Variants in CADM3 observed in about 807,000 individuals in gnomAD.
The protein encoded by CADM3 is TSLC1-like 1.
In CADM3, 11 loss-of-function variants were observed where a neutral mutation model predicts 44.9. The observed-to-expected ratio is 0.25, with a 90% CI of 0.15 to 0.41. CADM3 has a LOEUF of 0.41. Among genes scored for constraint, CADM3 ranks in the 10% least tolerant of loss-of-function variants. The pLI is 1.00. For missense variants in CADM3, 426 were observed against 512.0 expected (o/e 0.83, Z 1.62); for synonymous variants, 207 against 205.2 (o/e 1.01, Z -0.08).
At chr1:159,190,437 G>C (rs924776116) in intron 1 of CADM3, among the ~76,000 whole-genome samples, 1 of 152,236 alleles carries the variant, frequency 6.6e-6, no homozygotes, top group African/African-American at 2.4e-5. Flanking sequence ...TTCTAACTCA[G>C]ATTAGTACAG....
At chr1:159,194,990 A>G (rs1206074378) in intron 5 of CADM3, 1 of 152,216 alleles carries the variant, frequency 6.6e-6, no homozygotes, top group East Asian at 1.9e-4. Context: ...TAACTTACCT[A>G]AAAGTTGGGC....
At chr1:159,192,527 C>T in intron 2 of CADM3, 51 bp from the exon 3 acceptor site, 2 of 1,612,378 alleles carry the variant, frequency 1.2e-6, no homozygotes, top group Non-Finnish European at 1.7e-6. Context: ...GGAAGGTAAA[C>T]ATGAAAGGTG....
At chr1:159,193,764 C>T in intron 4 of CADM3, 106 bp from the exon 5 acceptor site, 1 of 1,489,406 alleles carries the variant, frequency 6.7e-7, no homozygotes, top group Non-Finnish European at 9.3e-7. Flanking sequence ...GGTTGAGACT[C>T]ACCATCTGTA....
chr1:159,173,968 G>A (rs1457966229), intron 1 of CADM3, among the ~76,000 whole-genome samples: 1 of 152,230 alleles, frequency 6.6e-6, no homozygotes, highest in African/African-American at 2.4e-5. Flanking sequence ...GAAGAGAAAT[G>A]TTACATCCTC....
At position 159,193,948 on chromosome 1, in the gene CADM3, G is replaced by A; in HGVS notation, c.599G>A (p.Arg200Gln). The A allele has an allele frequency of 1.2e-6, 2 of 1,614,142 alleles. No individual in the cohort carries two copies. Among genetic ancestry groups the A allele is most frequent in the Non-Finnish European group, 1.7e-6 (2 of 1,180,024 alleles). ...VSSSVTFQVT[R>Q]EDDGASIVCS... ...AGCTCGGTGACATTCCAGGTTACCC[G>A]GGAGGATGATGGGGCGAGCATCGTG... is the stretch of plus-strand genomic sequence containing the variant. Residue 200 changes from arginine to glutamine, a missense_variant, in exon 5 of 9, where the codon CGG becomes CAG. By Grantham distance (43) the Arg-to-Gln change is conservative. Around this residue, in one of 2 missense-constraint regions of CADM3, gnomAD observed 362 missense variants for 474.6 expected, o/e 0.76. Coordinates refer to ENST00000368125, the MANE Select transcript of CADM3 (RefSeq NM_001127173.3).
intron 7 of CADM3, chr1:159,197,708 T>G (rs999218623): frequency 6.6e-6 from 1 of 152,190 alleles, no homozygotes; most frequent in South Asian, 2.1e-4. Flanking sequence ...GACGGGCGAT[T>G]TTTTTGAAGA....
At chr1:159,182,567 T>C (rs945507594) in intron 1 of CADM3, among the ~76,000 whole-genome samples, 28 of 151,616 alleles carry the variant, frequency 1.8e-4, no homozygotes, top group African/African-American at 6.6e-4. Flanking sequence ...TAATATCTTG[T>C]CAACTATAAA....
At chr1:159,197,316 A>G (rs1271705429) in intron 7 of CADM3, 4 of 421,940 alleles carry the variant, frequency 9.5e-6, no homozygotes, top group African/African-American at 4.0e-5. Flanking sequence ...GGGTGACACC[A>G]TCTTCCATCC....
chr1:159,179,691 T>C (rs2814773), intron 1 of CADM3, among the ~76,000 whole-genome samples: 41,712 of 152,128 alleles, frequency 0.27, 5,993 homozygotes, highest in African/African-American at 0.35. Context: ...TCAGTAAGTA[T>C]ATCAATGAGA....
At chr1:159,190,280 T>C (rs1649593962) in intron 1 of CADM3, among the ~76,000 whole-genome samples, 2 of 152,178 alleles carry the variant, frequency 1.3e-5, no homozygotes, top group African/African-American at 4.8e-5. Context: ...GTTTTAGGAA[T>C]ATATCACTTT....
rs1648809100 is a variant in CADM3, at chr1:159,171,767, TG to T, written c.7del (p.Ala3?). The T allele has an allele frequency of 1.6e-6, 2 of 1,236,582 alleles. No homozygotes were observed. The highest frequency in any genetic ancestry group is 1.0e-6 in the Non-Finnish European group (1 of 990,026). The allele number at this position is 1,236,582 out of a possible 1,614,324, so 76.6% of individuals were successfully genotyped here. ...CCAGGGAGCCGGCCGGGAAGCGCGA[TG>T]GGGGCCCCAGCCGCCTCGCTCCTGC... [M>X]GAPAASLLLL... On this transcript the variant is annotated frameshift_variant and start_lost, in exon 1 of 9. Coordinates refer to ENST00000368125, the MANE Select transcript of CADM3 (RefSeq NM_001127173.3). LOFTEE classifies it high-confidence loss of function.
chr1:159,174,224 C>G (rs1480226603), intron 1 of CADM3, among the ~76,000 whole-genome samples: 1 of 152,224 alleles, frequency 6.6e-6, no homozygotes, highest in Non-Finnish European at 1.5e-5. Context: ...ACCATATCTT[C>G]TGTCTTAAAT....
intron 8 of CADM3, among the ~76,000 whole-genome samples, chr1:159,200,547 CACACACACTT>C (rs1313348546): frequency 2.4e-5 from 3 of 124,508 alleles, no homozygotes; most frequent in African/African-American, 8.6e-5. Flanking sequence ...CACACACACA[CACACACACTT>C]CTCTTTCTTG....
chr1:159,193,828 T>C (rs1169363238), intron 4 of CADM3, 42 bp from the exon 5 acceptor site: 1 of 1,604,790 alleles, frequency 6.2e-7, no homozygotes, highest in East Asian at 2.2e-5. Flanking sequence ...TCTGTGTCTC[T>C]CTCTGTGTGT....
intron 1 of CADM3, chr1:159,178,533 G>A (rs889311111): frequency 6.6e-6 from 1 of 152,172 alleles, no homozygotes; most frequent in Admixed American, 6.5e-5. Flanking sequence ...GCTAAGCAGG[G>A]TTAGGCCTGG....
chr1:159,199,931 C>G (rs1225786678), intron 8 of CADM3, 55 bp downstream of exon 8: 3 of 1,590,308 alleles, frequency 1.9e-6, no homozygotes, highest in Non-Finnish European at 2.6e-6. Context: ...GGAGACCAAT[C>G]AGAGGCAGGC....
rs1466395803 is a variant in CADM3, at chr1:159,202,690, T to G, written c.*1768T>G. On this transcript the variant is annotated 3_prime_UTR_variant, in exon 9 of 9. Coordinates refer to ENST00000368125, the MANE Select transcript of CADM3 (RefSeq NM_001127173.3). ...CCACCCTCCCCCAGCTTTTCCTCCC[T>G]GGTCTGACAATGGGCATGCAAAAAG... 6.6e-6 allele frequency: 1 copy of G among 152,188 alleles called. No homozygotes were observed. Among genetic ancestry groups the G allele is most frequent in the Non-Finnish European group, 1.5e-5 (1 of 68,124 alleles). 9.4% of individuals were successfully genotyped at this position (152,188 alleles called of 1,614,324 possible).
At chr1:159,189,215 C>A (rs925294925) in intron 1 of CADM3, among the ~76,000 whole-genome samples, 1 of 152,076 alleles carries the variant, frequency 6.6e-6, no homozygotes, top group Non-Finnish European at 1.5e-5. Context: ...TGACCCTGGG[C>A]GAGTCATTTC....
intron 7 of CADM3, 138 bp from the exon 8 acceptor site, chr1:159,199,613 C>A: frequency 2.9e-6 from 3 of 1,030,644 alleles, no homozygotes; most frequent in South Asian, 1.4e-5. Context: ...CAAGATAAGG[C>A]ATGATGAATG....
Sources: gnomAD v4.1 joint callset for allele counts (sites outside exome capture counted in the v4.1 genomes callset) on GRCh38, gnomAD v4.1.1 for gene constraint, gnomAD v4.1.1 regional missense constraint, MANE v1.5 for transcripts, NCBI Gene and HGNC (gene_info 2026-07-23, HGNC 2026-07-21) for gene names.